The following DIPK2B variants were observed in gnomAD, a reference collection of about 807,000 sequenced individuals.
The protein encoded by DIPK2B is divergent protein kinase domain 2B.
DIPK2B carries 15 observed loss-of-function variants against 22.2 expected under a neutral mutation model. That is an observed-to-expected ratio of 0.68 (90% CI 0.45 to 1.04). The LOEUF (loss-of-function observed/expected upper bound fraction) is 1.04. Among genes scored for constraint, DIPK2B ranks in the 50% least tolerant of loss-of-function variants. The pLI is 0.00. For synonymous variants in DIPK2B, 163 were observed against 153.2 expected, an observed-to-expected ratio of 1.06 and a Z score of -0.47; for missense variants, 345 against 348.3, an observed-to-expected ratio of 0.99 and a Z score of 0.08.
At chrX:45,163,659 G>A (rs1259226206) in intron 2 of DIPK2B, 1 of 752,987 alleles carries the variant, frequency 1.3e-6, no homozygotes, top group Non-Finnish European at 1.6e-6. Flanking sequence ...TCATGACTCT[G>A]ATGGAGGTAC....
intron 2 of DIPK2B, among the ~76,000 whole-genome samples, chrX:45,190,977 C>T (rs989678608): frequency 4.4e-5 from 5 of 112,752 alleles, no homozygotes; most frequent in Non-Finnish European, 7.5e-5. Context: ...ATCTTGCACA[C>T]CAGAAAATTC....
At position 45,153,072 on chromosome X, in the gene DIPK2B, A is replaced by T. The variant is rs2046969948; in HGVS notation, c.961+838T>A. Among the ~76,000 whole-genome samples the T allele has an allele frequency of 2.7e-5, 3 of 112,695 alleles. No homozygotes were observed. The South Asian group carries it at 1.1e-3, about 41-fold the overall frequency. ...TCCGGAATATTCTGGAATCAGCCTC[A>T]TTTCTTCTAATTTGATTCTTTTTAA... On this transcript the variant is annotated intron_variant, in intron 4 of 4. Coordinates refer to ENST00000398000, the MANE Select transcript of DIPK2B (RefSeq NM_176819.4).
In DIPK2B at chrX:45,151,552, A is replaced by G. The variant is rs2046961059; in HGVS notation, c.*100T>C. 3.7e-6 allele frequency: 3 copies of G among 820,448 alleles called. No individual in the cohort carries two copies. The South Asian group carries it at 7.7e-5, about 21-fold the overall frequency. 67.6% of individuals were successfully genotyped at this position (820,448 alleles called of 1,213,427 possible). A position where few individuals can be genotyped will look rare whatever the true frequency, so the allele number is the denominator to read the frequency against. ...AAGAAATGAGTGTGCCTTTCTTCTCATCTTTAAAAAAGAGCTGCTTCTTTC... is the reference window on the plus strand; with the variant it reads ...AAGAAATGAGTGTGCCTTTCTTCTCGTCTTTAAAAAAGAGCTGCTTCTTTC... On this transcript the variant is annotated 3_prime_UTR_variant, in exon 5 of 5. Transcript: ENST00000398000.
intron 3 of DIPK2B, 119 bp from the exon 4 acceptor site, chrX:45,154,317 AT>A: frequency 4.0e-6 from 2 of 505,551 alleles, no homozygotes; most frequent in Non-Finnish European, 5.9e-6. Flanking sequence ...CTATCTATCT[AT>A]CTGTCTATCT....
At chrX:45,180,824 T>G in intron 2 of DIPK2B, among the ~76,000 whole-genome samples, 1 of 111,961 alleles carries the variant, frequency 8.9e-6, no homozygotes. Context: ...AATTTAAAAA[T>G]TAAGCACAGT....
Position 45,151,732 on chromosome X carries a change from C to T in DIPK2B, c.1222G>A (p.Asp408Asn), listed in dbSNP as rs1276092015. The change falls in exon 5 of 5, where the codon GAC becomes AAC. Residue 408 changes from aspartate to asparagine, a missense_variant. By Grantham distance (23) the Asp-to-Asn change is conservative. Coordinates refer to ENST00000398000, the MANE Select transcript of DIPK2B (RefSeq NM_176819.4). ...CACGTTCTCAGGGGCCTCAAGATGT[C>T]TTTCAGCTGGCTGGCGGCCCCAAGG... ...EVLGAASQLK[D>N]ILRPLRTCDS... is the part of the protein sequence containing the mutation. The T allele has an allele frequency of 1.7e-6, 2 of 1,212,027 alleles. No individual in the cohort carries two copies. Among genetic ancestry groups the T allele is most frequent in the Non-Finnish European group, 2.2e-6 (2 of 895,529 alleles).
chrX:45,161,174 T>C (rs2047020911), intron 2 of DIPK2B, among the ~76,000 whole-genome samples: 1 of 112,536 alleles, frequency 8.9e-6, no homozygotes, highest in South Asian at 3.7e-4. Flanking sequence ...AAAAGTAGCC[T>C]GGATCCCTGA....
intron 2 of DIPK2B, among the ~76,000 whole-genome samples, chrX:45,188,691 C>A (rs369578921): frequency 2.7e-5 from 3 of 112,439 alleles, no homozygotes; most frequent in East Asian, 5.6e-4. Context: ...ATTCCAGAAT[C>A]ATTTCATCAC....
At chrX:45,179,552 T>G (rs1031128258) in intron 2 of DIPK2B, among the ~76,000 whole-genome samples, 2 of 110,955 alleles carry the variant, frequency 1.8e-5, no homozygotes, top group African/African-American at 6.5e-5. Context: ...AAAGGGAGAA[T>G]TTCAAGAAAG....
At chrX:45,177,862 C>T (rs1246214649) in intron 2 of DIPK2B, among the ~76,000 whole-genome samples, 1 of 111,035 alleles carries the variant, frequency 9.0e-6, no homozygotes, top group East Asian at 2.8e-4. Context: ...TCAAGGGTCA[C>T]CTTTAAGTTA....
At chrX:45,157,171 G>T (rs1457576129) in intron 3 of DIPK2B, among the ~76,000 whole-genome samples, 5 of 111,461 alleles carry the variant, frequency 4.5e-5, no homozygotes, top group Admixed American at 3.8e-4. Context: ...ATAAGTGTCT[G>T]TCTCTACCAC....
intron 4 of DIPK2B, 80 bp downstream of exon 4, chrX:45,153,830 G>A (rs1425833825): frequency 2.2e-6 from 2 of 901,750 alleles, no homozygotes; most frequent in Non-Finnish European, 3.1e-6. Flanking sequence ...CCAATAGCAT[G>A]ACCCCTGGCC....
chrX:45,155,409 C>A (rs1230664730), intron 3 of DIPK2B, among the ~76,000 whole-genome samples: 1 of 93,140 alleles, frequency 1.1e-5, no homozygotes, highest in African/African-American at 3.9e-5. Context: ...GGCGACAGAG[C>A]GTGACTCTGT....
chrX:45,195,603 A>G (rs1035145509), intron 1 of DIPK2B, among the ~76,000 whole-genome samples: 3 of 111,994 alleles, frequency 2.7e-5, no homozygotes, highest in East Asian at 5.6e-4. Context: ...CAAAGCTCTC[A>G]GGCTACAGTT....
chrX:45,200,180 T>A (rs1009109246), intron 1 of DIPK2B, among the ~76,000 whole-genome samples: 14 of 111,849 alleles, frequency 1.3e-4, no homozygotes, highest in African/African-American at 4.5e-4. Flanking sequence ...CTGAAGTCAC[T>A]TTATCTGGCT....
intron 1 of DIPK2B, among the ~76,000 whole-genome samples, chrX:45,193,059 G>A (rs999402276): frequency 1.2e-4 from 14 of 112,807 alleles, no homozygotes; most frequent in African/African-American, 3.5e-4. Flanking sequence ...GATTACAGGC[G>A]TGAGCCACTG....
At chrX:45,198,705 T>C (rs1419754599) in intron 1 of DIPK2B, among the ~76,000 whole-genome samples, 1 of 111,499 alleles carries the variant, frequency 9.0e-6, no homozygotes, top group Non-Finnish European at 1.9e-5. Flanking sequence ...TCTCCCTCCT[T>C]TTAAAAAATA....
chrX:45,180,434 G>A (rs2047143838), intron 2 of DIPK2B, among the ~76,000 whole-genome samples: 1 of 111,337 alleles, frequency 9.0e-6, no homozygotes, highest in African/African-American at 3.3e-5. Context: ...CTAAAGTTTG[G>A]AACAAAATGA....
chrX:45,151,398 A>C lies in DIPK2B; in HGVS notation c.*254T>G. 1 of 399,310 alleles carries C rather than the reference A, an allele frequency of 2.5e-6. No homozygotes were observed. The highest frequency in any genetic ancestry group is 4.3e-6 in the Non-Finnish European group (1 of 229,934). The allele number at this position is 399,310 out of a possible 1,213,427, so 32.9% of individuals were successfully genotyped here. On this transcript the variant is annotated 3_prime_UTR_variant, in exon 5 of 5. Coordinates refer to ENST00000398000, the MANE Select transcript of DIPK2B (RefSeq NM_176819.4). ...GGAGAGTCTGGTGGAGAACAGAGGA[A>C]ACTGAGGCTCAAAGACATTGAGTGA...
Sources: gnomAD v4.1 joint callset for allele counts (sites outside exome capture counted in the v4.1 genomes callset) on GRCh38, gnomAD v4.1.1 for gene constraint, MANE v1.5 for transcripts, NCBI Gene and HGNC (gene_info 2026-07-23, HGNC 2026-07-21) for gene names.